RNF125: variants seen among roughly 807,000 people sequenced by gnomAD.
The protein encoded by RNF125 is ring finger protein 125.
A neutral mutation model predicts 26.0 loss-of-function variants in RNF125; 21 were observed. The ratio of observed to expected loss-of-function variants is 0.81; its 90% CI spans 0.57 to 1.16. The LOEUF (loss-of-function observed/expected upper bound fraction) is 1.16, where lower values mean the gene tolerates loss of function less well. RNF125 is among the 50% of genes most tolerant of loss of function. RNF125 has a pLI of 0.00. For synonymous variants in RNF125, 95 were observed against 109.2 expected (o/e 0.87, Z 0.81); for missense variants, 270 against 299.4 (o/e 0.90, Z 0.72).
intron 4 of RNF125, among the ~76,000 whole-genome samples, chr18:32,062,363 T>C (rs2039442936): frequency 6.6e-6 from 1 of 152,220 alleles, no homozygotes; most frequent in Non-Finnish European, 1.5e-5. Flanking sequence ...TATTTCTTGG[T>C]CTCAGCTCTG....
chr18:32,064,960 G>C (rs2039470496), intron 4 of RNF125, among the ~76,000 whole-genome samples: 1 of 152,158 alleles, frequency 6.6e-6, no homozygotes. Flanking sequence ...AGTATTCCAA[G>C]AGGTAGGCAA....
intron 2 of RNF125, among the ~76,000 whole-genome samples, 165 bp downstream of exon 2, chr18:32,037,434 C>G (rs888129518): frequency 7.6e-6 from 1 of 131,388 alleles, no homozygotes; most frequent in South Asian, 2.6e-4. Flanking sequence ...TGCAGTGGTG[C>G]GATCTCGGCT....
intron 4 of RNF125, among the ~76,000 whole-genome samples, chr18:32,055,756 G>A (rs959939943): frequency 1.3e-5 from 2 of 151,926 alleles, no homozygotes; most frequent in East Asian, 1.9e-4. Flanking sequence ...CAAGGTGGGC[G>A]GATCACCTGA....
chr18:32,056,729 GA>G (rs1325383228), intron 4 of RNF125, among the ~76,000 whole-genome samples: 3 of 151,914 alleles, frequency 2.0e-5, no homozygotes, highest in Non-Finnish European at 4.4e-5. Context: ...AGAGCAAAAG[GA>G]GTGGGAAGTT....
chr18:32,037,033 TAC>T, intron 1 of RNF125, 81 bp from the exon 2 acceptor site: 1 of 1,283,454 alleles, frequency 7.8e-7, no homozygotes, highest in South Asian at 1.4e-5. Flanking sequence ...GTCATTAAAT[TAC>T]AGTTTACACA....
chr18:32,055,325 A>C (rs1179428425), intron 4 of RNF125, among the ~76,000 whole-genome samples: 1 of 150,966 alleles, frequency 6.6e-6, no homozygotes, highest in African/African-American at 2.4e-5. Context: ...AAGAAATTAG[A>C]CCAAGTTATT....
At chr18:32,073,261 A>G (rs1438105003), downstream of RNF125, 1 of 152,224 alleles carries the variant, frequency 6.6e-6, no homozygotes. Flanking sequence ...TGCTTTTTAA[A>G]TTTTCATCAT....
chr18:32,055,723 G>A (rs970401685), intron 4 of RNF125, among the ~76,000 whole-genome samples: 1 of 152,138 alleles, frequency 6.6e-6, no homozygotes, highest in African/African-American at 2.4e-5. Context: ...GCTCATGCCT[G>A]TAATCCCAGC....
At chr18:32,077,792 ATT>A (rs1343266393), downstream of RNF125, among the ~76,000 whole-genome samples, 1 of 142,502 alleles carries the variant, frequency 7.0e-6, no homozygotes, top group Non-Finnish European at 1.5e-5. Context: ...ACCTCTAATA[ATT>A]TTTTTTTTTT....
the RNF125 span, among the ~76,000 whole-genome samples, chr18:32,088,434 A>C: frequency 6.6e-6 from 1 of 152,126 alleles, no homozygotes; most frequent in South Asian, 2.1e-4. Context: ...CAGTATTCTA[A>C]ATTATTTTAT....
the RNF125 span, among the ~76,000 whole-genome samples, chr18:32,088,023 T>C: frequency 6.6e-6 from 1 of 152,248 alleles, no homozygotes; most frequent in Non-Finnish European, 1.5e-5. Flanking sequence ...GATTTTTGGC[T>C]TCTTCTGCAT....
chr18:32,087,056 C>T, the RNF125 span, among the ~76,000 whole-genome samples: 1 of 152,224 alleles, frequency 6.6e-6, no homozygotes, highest in African/African-American at 2.4e-5. Context: ...ATGCTTAAAC[C>T]ACTGGTAAGA....
At position 32,062,944 on chromosome 18, in the gene RNF125, G is replaced by T. The variant is rs369049037; in HGVS notation, c.505-2958G>T. 1.4e-4 allele frequency among the ~76,000 whole-genome samples: 21 copies of T among 152,280 alleles called. No individual in the cohort carries two copies. The East Asian group carries it at 3.9e-3, about 28-fold the overall frequency. ...TTTAAAAAATGAATACATGGGCCGG[G>T]TGGGGTGGCTCATGCTTGTAATCCC... On this transcript the variant is annotated intron_variant, in intron 4 of 5. Transcript: ENST00000217740.
the RNF125 span, among the ~76,000 whole-genome samples, chr18:32,083,634 A>C: frequency 4.6e-5 from 7 of 152,312 alleles, no homozygotes; most frequent in Admixed American, 1.3e-4. Flanking sequence ...GGAGTAGGTC[A>C]GGTGCGGTGG....
intron 4 of RNF125, among the ~76,000 whole-genome samples, chr18:32,050,734 A>C (rs1420421074): frequency 6.6e-6 from 1 of 152,016 alleles, no homozygotes; most frequent in African/African-American, 2.4e-5. Flanking sequence ...TTATGAGACC[A>C]CTTTTTTTCT....
intron 4 of RNF125, among the ~76,000 whole-genome samples, chr18:32,060,506 A>C (rs1241824063): frequency 6.6e-6 from 1 of 152,216 alleles, no homozygotes; most frequent in African/African-American, 2.4e-5. Context: ...CCATACAGAG[A>C]TGAAGCCAGC....
At chr18:32,047,182 G>T (rs1374371606) in intron 4 of RNF125, among the ~76,000 whole-genome samples, 1 of 152,168 alleles carries the variant, frequency 6.6e-6, no homozygotes, top group Non-Finnish European at 1.5e-5. Flanking sequence ...GACTACAGGC[G>T]TGCGCCACCA....
At chr18:32,032,315 C>T (rs926737297) in intron 1 of RNF125, among the ~76,000 whole-genome samples, 3 of 150,120 alleles carry the variant, frequency 2.0e-5, no homozygotes, top group Admixed American at 6.6e-5. Flanking sequence ...TGACCTCAAG[C>T]GATCCACCTG....
In RNF125 at chr18:32,068,656, G is replaced by C. The variant is rs774796521; in HGVS notation, c.*272G>C. ...CATGGAAAAGACAGGTGGTAGGCAA[G>C]TAGGTGGAGGATCTCGGTTTGCAAA... On this transcript the variant is annotated 3_prime_UTR_variant, in exon 6 of 6. Transcript: ENST00000217740. 2.3e-4 allele frequency: 75 copies of C among 330,132 alleles called. No individual in the cohort carries two copies. Among genetic ancestry groups the C allele is most frequent in the Non-Finnish European group, 4.0e-4 (71 of 177,678 alleles). 20.5% of individuals were successfully genotyped at this position (330,132 alleles called of 1,614,324 possible).
Sources: allele counts gnomAD v4.1 joint callset (sites outside exome capture counted in the v4.1 genomes callset), GRCh38; gene constraint gnomAD v4.1.1; transcripts MANE v1.5; gene names NCBI Gene and HGNC (gene_info 2026-07-23, HGNC 2026-07-21).